Variants in LYZL6 observed in about 807,000 individuals in gnomAD.
LYZL6 encodes the protein lysozyme-like protein 6.
A neutral mutation model predicts 15.0 loss-of-function variants in LYZL6; 21 were observed. The ratio of observed to expected loss-of-function variants is 1.40; its 90% confidence interval spans 1.00 to 2.02. LYZL6 has a LOEUF of 2.02. LYZL6 is among the 30% of genes most tolerant of loss of function. The pLI is 0.00. For missense variants in LYZL6, 173 were observed against 180.5 expected (o/e 0.96, Z 0.24); for synonymous variants, 72 against 67.8 (o/e 1.06, Z -0.31).
chr17:35,942,817 G>A (rs1257832829), intron 1 of LYZL6, among the ~76,000 whole-genome samples: 1 of 152,094 alleles, frequency 6.6e-6, no homozygotes, highest in African/African-American at 2.4e-5. Flanking sequence ...GCTAAGATAG[G>A]GAAGCTAAAA....
Position 35,934,734 on chromosome 17 carries a change from G to A in LYZL6, c.*62C>T. 2 of 1,465,206 alleles carry A rather than the reference G, an allele frequency of 1.4e-6. No homozygotes were observed. The highest frequency in any genetic ancestry group is 2.3e-5 in the South Asian group (2 of 86,738). 90.8% of individuals were successfully genotyped at this position (1,465,206 alleles called of 1,614,324 possible). On this transcript the variant is annotated 3_prime_UTR_variant, in exon 5 of 5. Transcript: ENST00000615905. ...AGTGGAGGCAGTAGGAAGAAGAAAT[G>A]AAGAATCCCTGAGTGAGGACAGGAG... is the stretch of plus-strand genomic sequence containing the variant.
intron 2 of LYZL6, 73 bp from the exon 3 acceptor site, chr17:35,937,989 G>A: frequency 6.7e-7 from 1 of 1,481,618 alleles, no homozygotes; most frequent in Non-Finnish European, 9.2e-7. Flanking sequence ...GAGGAGAAAG[G>A]GAGGCAAGGT....
intron 3 of LYZL6, among the ~76,000 whole-genome samples, 175 bp downstream of exon 3, chr17:35,937,583 C>A (rs2089385563): frequency 6.6e-6 from 1 of 152,174 alleles, no homozygotes; most frequent in Non-Finnish European, 1.5e-5. Flanking sequence ...TATAGAATCT[C>A]CTAACTGGAT....
chr17:35,937,633 G>A, intron 3 of LYZL6, 125 bp downstream of exon 3: 2 of 1,057,020 alleles, frequency 1.9e-6, no homozygotes, highest in Non-Finnish European at 2.7e-6. Context: ...GCTCAGTAAA[G>A]GGATTCCCTG....
intron 2 of LYZL6, among the ~76,000 whole-genome samples, chr17:35,938,416 G>A (rs547576679): frequency 2.0e-5 from 3 of 151,976 alleles, no homozygotes; most frequent in South Asian, 4.2e-4. Flanking sequence ...TCAGGAGATC[G>A]AGACCATCCT....
intron 4 of LYZL6, among the ~76,000 whole-genome samples, chr17:35,935,832 T>A (rs1209013468): frequency 5.6e-5 from 8 of 142,442 alleles, no homozygotes; most frequent in Non-Finnish European, 1.2e-4. Context: ...TTTTTTTTTT[T>A]AAACAGAGTC....
In LYZL6 at chr17:35,938,240, T is replaced by C. The variant is rs151047438; in HGVS notation, c.140-324A>G. On this transcript the variant is annotated intron_variant, in intron 2 of 4. Coordinates refer to ENST00000615905, the MANE Select transcript of LYZL6 (RefSeq NM_020426.4). ...AGATGCTGCCTTCAAGGGGCCTGTA[T>C]TACAAGCTTAAAAATATGTACCTAA... is the stretch of plus-strand genomic sequence containing the variant. Among the ~76,000 whole-genome samples the C allele has an allele frequency of 9.3e-4, 141 of 152,286 alleles. 3 individuals carry two copies. In the East Asian group the frequency reaches 0.022, roughly 24 times the overall value.
Position 35,937,823 on chromosome 17 carries a change from T to C in LYZL6, c.233A>G (p.Asn78Ser), listed in dbSNP as rs776360290. ...GSFDYGLFQINSHYWCNDYKS... is the reference protein window; with the variant it reads ...GSFDYGLFQISSHYWCNDYKS... ...ATAATCGTTGCACCAGTAGTGGCTG[T>C]TGATCTGGAAGAGGCCATAGTCAAA... The change falls in exon 3 of 5, where the codon AAC becomes AGC. Residue 78 changes from asparagine to serine, a missense_variant. Asn to Ser is a conservative substitution (Grantham distance 46). Coordinates refer to ENST00000615905, the MANE Select transcript of LYZL6 (RefSeq NM_020426.4). 6.2e-7 allele frequency: 1 copy of C among 1,613,916 alleles called. No homozygotes were observed. Among genetic ancestry groups the C allele is most frequent in the African/African-American group, 1.3e-5 (1 of 75,068 alleles).
chr17:35,942,433 T>C (rs559815840), intron 1 of LYZL6, among the ~76,000 whole-genome samples: 21 of 152,304 alleles, frequency 1.4e-4, no homozygotes, highest in African/African-American at 4.8e-4. Context: ...ACCCGCCGCC[T>C]TCAAGTGTCA....
intron 1 of LYZL6, among the ~76,000 whole-genome samples, chr17:35,943,336 AC>A (rs2089437621): frequency 6.6e-6 from 1 of 151,688 alleles, no homozygotes; most frequent in African/African-American, 2.4e-5. Context: ...CCATCATTCT[AC>A]CCCCAGAGCT....
At chr17:35,935,659 C>T (rs2089365215) in intron 4 of LYZL6, among the ~76,000 whole-genome samples, 1 of 152,086 alleles carries the variant, frequency 6.6e-6, no homozygotes, top group Non-Finnish European at 1.5e-5. Context: ...GGGACAGGCA[C>T]CCACCACAAC....
intron 2 of LYZL6, among the ~76,000 whole-genome samples, chr17:35,938,656 A>T (rs2089398975): frequency 6.7e-6 from 1 of 149,660 alleles, no homozygotes; most frequent in Non-Finnish European, 1.5e-5. Context: ...CCCACAAAGC[A>T]AGATTAAAGG....
Position 35,943,673 on chromosome 17 carries a change from A to G in LYZL6, c.-309T>C, listed in dbSNP as rs8072581. ...GTAGGAGCCTCTTCTTCCTCACCAC[A>G]TACACTTCAGCCCTGCCCAACTAAC... On this transcript the variant is annotated 5_prime_UTR_variant, in exon 1 of 5. An upstream start codon of the reference 5' UTR is lost. Transcript: ENST00000615905. 0.15 allele frequency: 22,971 copies of G among 152,006 alleles called. 1,923 individuals carry two copies. Among genetic ancestry groups the G allele is most frequent in the East Asian group, 0.25 (1,263 of 5,134 alleles). The allele number at this position is 152,006 out of a possible 1,614,324, so 9.4% of individuals were successfully genotyped here. A position where few individuals can be genotyped will look rare whatever the true frequency, so the allele number is the denominator to read the frequency against.
chr17:35,940,174 T>C (rs904373477), intron 1 of LYZL6, among the ~76,000 whole-genome samples: 1 of 152,204 alleles, frequency 6.6e-6, no homozygotes, highest in African/African-American at 2.4e-5. Context: ...TGGGGTGCTA[T>C]GTGACTTTGG....
At chr17:35,936,034 C>T (rs2089369604) in intron 4 of LYZL6, among the ~76,000 whole-genome samples, 1 of 152,030 alleles carries the variant, frequency 6.6e-6, no homozygotes, top group Non-Finnish European at 1.5e-5. Flanking sequence ...AGGCTGGTCT[C>T]GAACTCCTGA....
chr17:35,936,423 A>G (rs560980573), intron 4 of LYZL6, among the ~76,000 whole-genome samples: 1 of 152,202 alleles, frequency 6.6e-6, no homozygotes, highest in South Asian at 2.1e-4. Context: ...GAAACCTGCC[A>G]TGGACAGTGT....
At chr17:35,939,838 G>C (rs1330728344) in intron 1 of LYZL6, among the ~76,000 whole-genome samples, 1 of 152,144 alleles carries the variant, frequency 6.6e-6, no homozygotes, top group Admixed American at 6.6e-5. Flanking sequence ...TGGGCACCCA[G>C]CTATGGGTAG....
At chr17:35,937,122 G>T (rs2089381461) in intron 3 of LYZL6, among the ~76,000 whole-genome samples, 2 of 152,224 alleles carry the variant, frequency 1.3e-5, no homozygotes, top group African/African-American at 4.8e-5. Context: ...GAGGTTTCCA[G>T]GGAGAGGAAA....
At chr17:35,942,307 A>AAT (rs2089429958) in intron 1 of LYZL6, among the ~76,000 whole-genome samples, 1 of 152,216 alleles carries the variant, frequency 6.6e-6, no homozygotes, top group Non-Finnish European at 1.5e-5. Context: ...ACTAAAAAGA[A>AAT]ATAATACTTC....
Sources: allele counts gnomAD v4.1 joint callset (sites outside exome capture counted in the v4.1 genomes callset), GRCh38; gene constraint gnomAD v4.1.1; transcripts MANE v1.5; gene names NCBI Gene and HGNC (gene_info 2026-07-23, HGNC 2026-07-21).